Variants in CPNE4 observed in about 807,000 individuals in gnomAD.
CPNE4 encodes the protein copine-4.
CPNE4 carries 25 observed loss-of-function variants against 67.9 expected under a neutral mutation model. The ratio of observed to expected loss-of-function variants is 0.37; its 90% confidence interval spans 0.27 to 0.51. The LOEUF is 0.51. Among genes scored for constraint, CPNE4 ranks in the 20% least tolerant of loss-of-function variants. The pLI is 0.93. For synonymous variants in CPNE4, 242 were observed against 244.9 expected (o/e 0.99, Z 0.11); for missense variants, 464 against 690.8 (o/e 0.67, Z 3.68).
chr3:131,820,020 C>G (rs77228318), intron 2 of CPNE4, among the ~76,000 whole-genome samples: 3,527 of 152,208 alleles, frequency 0.023, 123 homozygotes, highest in African/African-American at 0.079. Context: ...CATGTGTTTC[C>G]TTAGACAAGT....
At chr3:131,750,119 TC>T (rs2082588727) in intron 2 of CPNE4, among the ~76,000 whole-genome samples, 1 of 152,160 alleles carries the variant, frequency 6.6e-6, no homozygotes, top group Non-Finnish European at 1.5e-5. Context: ...CTCCCAAAAG[TC>T]CCATCTTCAA....
intron 7 of CPNE4, among the ~76,000 whole-genome samples, chr3:131,650,237 C>T (rs970414657): frequency 6.6e-6 from 1 of 152,170 alleles, no homozygotes; most frequent in South Asian, 2.1e-4. Flanking sequence ...CCATATATGA[C>T]ATAAAAAATA....
chr3:131,653,253 T>C (rs368356175), intron 7 of CPNE4, among the ~76,000 whole-genome samples: 100 of 151,188 alleles, frequency 6.6e-4, no homozygotes, highest in African/African-American at 2.4e-3. Context: ...CACTCTGTTC[T>C]CCTGCCTCAG....
At chr3:131,774,090 T>C (rs1016785191) in intron 2 of CPNE4, among the ~76,000 whole-genome samples, 1 of 152,160 alleles carries the variant, frequency 6.6e-6, no homozygotes, top group South Asian at 2.1e-4. Context: ...AGACACTTGA[T>C]TGCCTGTTCA....
chr3:131,902,835 G>A (rs912507819), intron 2 of CPNE4, among the ~76,000 whole-genome samples: 1 of 151,896 alleles, frequency 6.6e-6, no homozygotes, highest in Non-Finnish European at 1.5e-5. Context: ...AAAAAATAAT[G>A]AGACTAACAA....
At chr3:131,743,389 C>A (rs2107782858) in intron 2 of CPNE4, among the ~76,000 whole-genome samples, 1 of 152,238 alleles carries the variant, frequency 6.6e-6, no homozygotes, top group South Asian at 2.1e-4. Context: ...CCAGGCCACA[C>A]AGAAAGCTAG....
intron 2 of CPNE4, among the ~76,000 whole-genome samples, chr3:131,850,213 C>A (rs994453038): frequency 2.0e-5 from 3 of 151,892 alleles, no homozygotes; most frequent in Admixed American, 6.6e-5. Context: ...TAAAATAGTG[C>A]CTTCTCTTTC....
chr3:131,567,799 G>T (rs1488083909), intron 10 of CPNE4, among the ~76,000 whole-genome samples: 3 of 151,998 alleles, frequency 2.0e-5, no homozygotes, highest in Non-Finnish European at 2.9e-5. Flanking sequence ...GGGGACAGAA[G>T]AGAATAATAT....
At chr3:131,953,140 AGACCTTTGCTCACTTGTTAATCTGCT>A (rs1439415730) in intron 1 of CPNE4, among the ~76,000 whole-genome samples, 2 of 150,984 alleles carry the variant, frequency 1.3e-5, no homozygotes, top group Admixed American at 6.7e-5. Context: ...GGAAAACCAG[AGACCTTTGCTCACTTGTTAATCTGCT>A]GACCTTCCCT....
chr3:131,852,948 A>T (rs890605811), intron 2 of CPNE4, among the ~76,000 whole-genome samples: 1 of 151,794 alleles, frequency 6.6e-6, no homozygotes, highest in African/African-American at 2.4e-5. Flanking sequence ...GTAACTGTTA[A>T]GAGAAATTTT....
At chr3:131,729,539 G>T (rs1025091820) in intron 2 of CPNE4, among the ~76,000 whole-genome samples, 5 of 152,194 alleles carry the variant, frequency 3.3e-5, no homozygotes, top group African/African-American at 1.2e-4. Flanking sequence ...TTCTGTAGCT[G>T]CAACAAACAA....
intron 1 of CPNE4, among the ~76,000 whole-genome samples, chr3:131,930,991 A>G (rs188986164): frequency 3.4e-4 from 51 of 152,220 alleles, no homozygotes; most frequent in African/African-American, 1.2e-3. Flanking sequence ...CCCTTACAGG[A>G]TGGTAAGGGT....
intron 1 of CPNE4, among the ~76,000 whole-genome samples, chr3:131,914,633 T>C (rs2089115055): frequency 7.7e-6 from 1 of 129,048 alleles, no homozygotes; most frequent in African/African-American, 2.8e-5. Flanking sequence ...TGTATATATT[T>C]ATATTTTTGT....
At position 131,698,094 on chromosome 3, in the gene CPNE4, G is replaced by A. The variant is rs183433915; in HGVS notation, c.433-1478C>T. On this transcript the variant is annotated intron_variant, in intron 4 of 15. Coordinates refer to ENST00000429747, the MANE Select transcript of CPNE4 (RefSeq NM_130808.3). ...AAAAAATACAAAAAAAATTAGACAGGTGTGGTGGTGGGCGCCTGTAGTCCC... is the reference window on the plus strand; with the variant it reads ...AAAAAATACAAAAAAAATTAGACAGATGTGGTGGTGGGCGCCTGTAGTCCC... Among the ~76,000 whole-genome samples the A allele has an allele frequency of 6.4e-3, 978 of 151,882 alleles. 11 individuals are homozygous for A. The highest frequency in any genetic ancestry group is 0.023 in the African/African-American group (941 of 41,416).
chr3:131,946,337 T>C (rs1300404081), intron 1 of CPNE4, among the ~76,000 whole-genome samples: 3 of 152,224 alleles, frequency 2.0e-5, no homozygotes, highest in East Asian at 1.9e-4. Context: ...ATTCCGATTG[T>C]AGCATGTATC....
At chr3:131,979,219 T>C (rs533936090) in intron 1 of CPNE4, among the ~76,000 whole-genome samples, 2 of 152,072 alleles carry the variant, frequency 1.3e-5, no homozygotes, top group African/African-American at 2.4e-5. Flanking sequence ...ATTTGTTCCA[T>C]ATAGTTTAAA....
At chr3:131,801,335 ACATATATATATATATGTAC>A (rs1408877556) in intron 2 of CPNE4, among the ~76,000 whole-genome samples, 4 of 122,060 alleles carry the variant, frequency 3.3e-5, no homozygotes, top group Admixed American at 8.9e-5. Context: ...TGGAAACCAT[ACATATATATATATATGTAC>A]CATATATATA....
chr3:131,737,973 G>T (rs561508382), intron 2 of CPNE4, among the ~76,000 whole-genome samples: 2 of 152,304 alleles, frequency 1.3e-5, no homozygotes, highest in South Asian at 4.1e-4. Context: ...AAGGAAGATT[G>T]AATGAGTGCA....
intron 1 of CPNE4, among the ~76,000 whole-genome samples, chr3:131,999,052 A>G (rs1329967457): frequency 6.6e-6 from 1 of 151,926 alleles, no homozygotes; most frequent in African/African-American, 2.4e-5. Context: ...TTTGAGGGGC[A>G]TGAAAGAGGC....
Sources: gnomAD v4.1 joint callset for allele counts (sites outside exome capture counted in the v4.1 genomes callset) on GRCh38, gnomAD v4.1.1 for gene constraint, MANE v1.5 for transcripts, NCBI Gene and HGNC (gene_info 2026-07-23, HGNC 2026-07-21) for gene names.